KIF1A: variants seen among roughly 807,000 people sequenced by gnomAD.
KIF1A encodes the protein kinesin family member 1A, also known as kinesin-like protein KIF1A.
A neutral mutation model predicts 227.3 loss-of-function variants in KIF1A; 46 were observed. The observed-to-expected ratio is 0.20, with a 90% CI of 0.16 to 0.26. The LOEUF (loss-of-function observed/expected upper bound fraction) is 0.26, where lower values mean the gene tolerates loss of function less well. Among genes scored for constraint, KIF1A ranks in the 10% least tolerant of loss-of-function variants. The pLI is 1.00. For missense variants in KIF1A, 1,683 were observed against 2,485.9 expected, an observed-to-expected ratio of 0.68 and a Z score of 6.87; for synonymous variants, 1,022 against 1,012.8, an observed-to-expected ratio of 1.01 and a Z score of -0.17.
intron 42 of KIF1A, among the ~76,000 whole-genome samples, chr2:240,723,133 C>T (rs943462104): frequency 1.3e-5 from 2 of 152,232 alleles, no homozygotes; most frequent in Non-Finnish European, 2.9e-5. Flanking sequence ...GACTCTCCTT[C>T]CGGGTCCCTT....
At position 240,715,765 on chromosome 2, in the gene KIF1A, T is replaced by A. The variant is rs960460986; in HGVS notation, c.*1599A>T. On this transcript the variant is annotated 3_prime_UTR_variant, in exon 49 of 49. Transcript: ENST00000498729. The stretch of plus-strand genomic sequence containing the variant: ...CATCACGTGGGACAGCCTGGGAGGG[T>A]AGGGGCCTCAGAACCAGTGGGGTGC... The A allele has an allele frequency of 6.6e-6, 1 of 152,124 alleles. No individual in the cohort carries two copies. Among genetic ancestry groups the A allele is most frequent in the African/African-American group, 2.4e-5 (1 of 41,342 alleles). 9.4% of individuals were successfully genotyped at this position (152,124 alleles called of 1,614,324 possible). A position where few individuals can be genotyped will look rare whatever the true frequency, so the allele number is the denominator to read the frequency against.
In KIF1A at chr2:240,766,081, C is replaced by G. The variant is rs1374768677; in HGVS notation, c.1685-288G>C. On this transcript the variant is annotated intron_variant, in intron 19 of 48. Transcript: ENST00000498729. The surrounding 1 kb of genome is among the most constrained non-coding windows in gnomAD (Gnocchi z 5.0). The stretch of plus-strand genomic sequence containing the variant: ...AATCACCCAGGGCCCTGTCCAGCTC[C>G]CCAGGTGGACAAGGATAAAAACACC... Among the ~76,000 whole-genome samples, 4 of 152,232 alleles carry G rather than the reference C, an allele frequency of 2.6e-5. No homozygotes were observed. The highest frequency in any genetic ancestry group is 5.9e-5 in the Non-Finnish European group (4 of 68,028).
intron 10 of KIF1A, 91 bp downstream of exon 10, chr2:240,782,499 C>G: frequency 2.9e-6 from 4 of 1,378,132 alleles, no homozygotes; most frequent in Non-Finnish European, 2.0e-6. Flanking sequence ...CACTCACTGC[C>G]CGCCCCGCCC....
chr2:240,783,747 G>A lies in KIF1A; in HGVS notation c.790C>T (p.Arg264Cys), dbSNP rs1342429444. The A allele has an allele frequency of 6.4e-7, 1 of 1,573,408 alleles. No homozygotes were observed. Among genetic ancestry groups the A allele is most frequent in the Admixed American group, 1.8e-5 (1 of 54,928 alleles). ...RADSTGAKGTRLKEGANINKS... is the reference protein window; with the variant it reads ...RADSTGAKGTCLKEGANINKS... ...GGCGGCCTGGCCCCTACCTTGAGGC[G>A]CGTGCCCTTGGCTCCCGTGGAGTCA... The change falls in exon 8 of 49, where the codon CGC becomes TGC. Residue 264 changes from arginine (R) to cysteine (C), a missense_variant. By Grantham distance (180) the Arg-to-Cys change is radical. Transcript: ENST00000498729.
At chr2:240,727,102 T>G (rs1346141533) in intron 38 of KIF1A, among the ~76,000 whole-genome samples, 162 bp from the exon 39 acceptor site, 1 of 151,984 alleles carries the variant, frequency 6.6e-6, no homozygotes, top group Non-Finnish European at 1.5e-5. Context: ...GAAGGACAGG[T>G]CCCTCCTTAC....
chr2:240,805,050 GAGGGAGAGGGGAGGGAGAGGGC>G (rs1262810052), intron 1 of KIF1A, among the ~76,000 whole-genome samples: 6 of 55,392 alleles, frequency 1.1e-4, no homozygotes, highest in East Asian at 7.2e-4. Context: ...GGGAAGTGGG[GAGGGAGAGGGGAGGGAGAGGGC>G]AGGGAGAGGG....
At chr2:240,738,869 G>A (rs2047647964) in intron 37 of KIF1A, among the ~76,000 whole-genome samples, 2 of 152,266 alleles carry the variant, frequency 1.3e-5, no homozygotes. Context: ...CTTGAGGGAA[G>A]TGAGACCAGG....
chr2:240,745,575 C>G, intron 31 of KIF1A, 58 bp from the exon 32 acceptor site: 16 of 1,511,532 alleles, frequency 1.1e-5, no homozygotes, highest in Non-Finnish European at 1.4e-5. Flanking sequence ...GAGACCTTAC[C>G]AGGTGGAACC....
Position 240,792,762 on chromosome 2 carries a change from A to G in KIF1A, c.107-3450T>C, listed in dbSNP as rs529915968. ...GGAAATGGGGCCTTGTGAAGTGATG[A>G]GGATGAGACGAAGCCACGAAGTCAG... On this transcript the variant is annotated intron_variant, in intron 2 of 48. Transcript: ENST00000498729. The surrounding 1 kb of genome is among the most constrained non-coding windows in gnomAD (Gnocchi z 4.5). Among the ~76,000 whole-genome samples, 5 of 152,218 alleles carry G rather than the reference A, an allele frequency of 3.3e-5. No individual in the cohort carries two copies. In the East Asian group the frequency reaches 9.7e-4, roughly 30 times the overall value.
chr2:240,753,603 C>T (rs2049475894), intron 27 of KIF1A, among the ~76,000 whole-genome samples: 1 of 152,152 alleles, frequency 6.6e-6, no homozygotes, highest in African/African-American at 2.4e-5. Context: ...GTGGAGGCTC[C>T]CTAGGGGCCA....
chr2:240,738,085 C>T (rs1355052454), intron 37 of KIF1A, among the ~76,000 whole-genome samples: 1 of 152,238 alleles, frequency 6.6e-6, no homozygotes, highest in Non-Finnish European at 1.5e-5. Context: ...GTGCCCATGG[C>T]AGGGAAGAGG....
chr2:240,744,934 C>G (rs2048408686), intron 32 of KIF1A, among the ~76,000 whole-genome samples: 2 of 152,312 alleles, frequency 1.3e-5, no homozygotes, highest in South Asian at 2.1e-4. Flanking sequence ...GCCCAGTTCT[C>G]CCGCCTGGAG....
Position 240,741,330 on chromosome 2 carries a change from A to C in KIF1A, c.3688T>G (p.Cys1230Gly). Residue 1230 changes from cysteine to glycine, a missense_variant, in exon 35 of 49, where the codon TGC (cysteine) becomes GGC (glycine). Physicochemically the swap from Cys to Gly is radical, Grantham distance 159 (BLOSUM62 -3). Transcript: ENST00000498729. ...STLTRPCPGP[C>G]HCKYDLLVYF... ...ACCAGCAGGTCGTACTTGCAGTGGC[A>C]GGGTCCCGGACAGGGCCGCGTCAGT... 6.3e-7 allele frequency: 1 copy of C among 1,598,364 alleles called. No individual in the cohort carries two copies. The highest frequency in any genetic ancestry group is 8.5e-7 in the Non-Finnish European group (1 of 1,175,516).
At chr2:240,721,674 T>C in intron 44 of KIF1A, 133 bp downstream of exon 44, 2 of 753,904 alleles carry the variant, frequency 2.7e-6, no homozygotes, top group South Asian at 3.1e-5. Flanking sequence ...GAGGTGTCCC[T>C]CTGCACTGAG....
chr2:240,768,560 C>G (rs928439340), intron 17 of KIF1A, among the ~76,000 whole-genome samples: 1 of 152,174 alleles, frequency 6.6e-6, no homozygotes, highest in African/African-American at 2.4e-5. Context: ...TGTGTCATGC[C>G]CCACCTGGGC....
At position 240,721,930 on chromosome 2, in the gene KIF1A, C is replaced by A. The variant is rs1256844287; in HGVS notation, c.4666-46G>T. The A allele has an allele frequency of 7.3e-6, 11 of 1,511,610 alleles. No homozygotes were observed. In the Admixed American group the frequency reaches 7.3e-5, roughly 10 times the overall value. 93.6% of individuals were successfully genotyped at this position (1,511,610 alleles called of 1,614,324 possible). ...TGGTCAGGGGCCAGGCCTCCCGGGA[C>A]CCTGCTCAGACAGCCTTGCAGGCTC... On this transcript the variant is annotated intron_variant, in intron 43 of 48. Coordinates refer to ENST00000498729, the MANE Select transcript of KIF1A (RefSeq NM_001244008.2).
chr2:240,785,936 T>A (rs1430666480), intron 6 of KIF1A, among the ~76,000 whole-genome samples: 1 of 152,062 alleles, frequency 6.6e-6, no homozygotes, highest in Non-Finnish European at 1.5e-5. Context: ...CCAGGTTGCT[T>A]ATGGCTGCAG....
rs148957025 is a variant in KIF1A, at chr2:240,774,300, T to G, written c.959-39A>C. The G allele has an allele frequency of 0.02, 27,493 of 1,399,776 alleles. 334 individuals are homozygous for G. The highest frequency in any genetic ancestry group is 0.031 in the South Asian group (2,635 of 86,022). The allele number at this position is 1,399,776 out of a possible 1,614,324, so 86.7% of individuals were successfully genotyped here. ...ACCAGGTTGTGCCCAGAGGGGGATC[T>G]AGGCCCCAGGGCTATGTCTGCTCCC... On this transcript the variant is annotated intron_variant, in intron 11 of 48. Transcript: ENST00000498729.
Position 240,722,541 on chromosome 2 carries a change from G to A in KIF1A, c.4580C>T (p.Ser1527Phe), listed in dbSNP as rs1200107204. 1.9e-6 allele frequency: 3 copies of A among 1,549,876 alleles called. No homozygotes were observed. The highest frequency in any genetic ancestry group is 1.7e-6 in the Non-Finnish European group (2 of 1,147,238). Residue 1527 changes from serine (S) to phenylalanine (F), a missense_variant, in exon 43 of 49, where the codon TCC becomes TTC. Ser to Phe is a radical substitution (Grantham distance 155, BLOSUM62 -2). This residue lies in a region of KIF1A where 384 missense variants were observed against 410.1 expected (regional missense o/e 0.94). Coordinates refer to ENST00000498729, the MANE Select transcript of KIF1A (RefSeq NM_001244008.2). ...FSEDSESHGS[S>F]SASSPLSAEG... ...AGCCGAGAGCGGGGAGGAGGCGCTGGAGGAGCCATGGGACTCAGAGTCCTC... is the reference window on the plus strand; with the variant it reads ...AGCCGAGAGCGGGGAGGAGGCGCTGAAGGAGCCATGGGACTCAGAGTCCTC...
Sources: allele counts gnomAD v4.1 joint callset (sites outside exome capture counted in the v4.1 genomes callset), GRCh38; gene constraint gnomAD v4.1.1; regional missense constraint gnomAD v4.1.1; non-coding constraint Gnocchi (gnomAD v3.1); transcripts MANE v1.5; gene names NCBI Gene and HGNC (gene_info 2026-07-23, HGNC 2026-07-21).